SEMA3A: variants seen among roughly 807,000 people sequenced by gnomAD.
SEMA3A encodes the protein semaphorin-3A.
A neutral mutation model predicts 97.9 loss-of-function variants in SEMA3A; 29 were observed. The observed-to-expected ratio is 0.30, with a 90% confidence interval of 0.22 to 0.40. The LOEUF is 0.40. Ranked by LOEUF, SEMA3A falls within the 10% of genes least tolerant of loss-of-function variation. The pLI is 1.00. For missense variants in SEMA3A, 763 were observed against 951.3 expected (o/e 0.80, Z 2.60); for synonymous variants, 321 against 323.7 (o/e 0.99, Z 0.09).
chr7:83,977,111 A>G, intron 15 of SEMA3A, 21 bp downstream of exon 15: 2 of 1,485,118 alleles, frequency 1.3e-6, no homozygotes, highest in Non-Finnish European at 1.8e-6. Context: ...AGCAGGTTGA[A>G]AGATGAAAAA....
At chr7:84,122,546 G>A (rs1458819325) in intron 3 of SEMA3A, among the ~76,000 whole-genome samples, 3 of 152,056 alleles carry the variant, frequency 2.0e-5, no homozygotes, top group African/African-American at 7.2e-5. Context: ...GAAATGTAAT[G>A]TAATTTTATT....
chr7:84,290,271 C>T (rs1188227344), intron 3 of SEMA3A, among the ~76,000 whole-genome samples: 1 of 151,778 alleles, frequency 6.6e-6, no homozygotes. Flanking sequence ...GTTTTTACAA[C>T]CAAAAACCAA....
intron 2 of SEMA3A, among the ~76,000 whole-genome samples, chr7:84,333,914 A>G (rs1801966924): frequency 6.6e-6 from 1 of 152,196 alleles, no homozygotes; most frequent in South Asian, 2.1e-4. Context: ...TGAAAAGAAG[A>G]GATGTAGTTT....
chr7:84,192,084 G>GA (rs1798060880), intron 1 of SEMA3A, among the ~76,000 whole-genome samples: 1 of 151,834 alleles, frequency 6.6e-6, no homozygotes, highest in African/African-American at 2.4e-5. Context: ...GTGGATCTTT[G>GA]AAAACAAGTG....
At chr7:84,000,818 C>A (rs55635951) in intron 12 of SEMA3A, among the ~76,000 whole-genome samples, 27,974 of 152,040 alleles carry the variant, frequency 0.18, 2,965 homozygotes, top group African/African-American at 0.27. Flanking sequence ...TATTATACCT[C>A]ATTTTTTCTT....
intron 2 of SEMA3A, among the ~76,000 whole-genome samples, chr7:84,348,527 G>C (rs1303170291): frequency 1.3e-5 from 2 of 152,180 alleles, no homozygotes; most frequent in Non-Finnish European, 2.9e-5. Flanking sequence ...AGTAGTTACA[G>C]TGTTGGGTAA....
intron 2 of SEMA3A, among the ~76,000 whole-genome samples, chr7:84,357,745 C>A (rs1173558449): frequency 6.6e-6 from 1 of 151,558 alleles, no homozygotes; most frequent in Non-Finnish European, 1.5e-5. Context: ...ACTTTACAGT[C>A]CCACCAACAG....
At position 84,051,384 on chromosome 7, in the gene SEMA3A, C is replaced by A. The variant is rs965252840; in HGVS notation, c.548-4941G>T. Among the ~76,000 whole-genome samples the A allele has an allele frequency of 1.7e-4, 26 of 152,182 alleles. No homozygotes were observed. The South Asian group carries it at 5.0e-3, about 29-fold the overall frequency. ...TTTTGTTTGTATCCTCTTTTATTTC[C>A]TTGAGCAGTGATTTGTACTTCTCCT... is the stretch of plus-strand genomic sequence containing the variant. On this transcript the variant is annotated intron_variant, in intron 5 of 16. Coordinates refer to ENST00000265362, the MANE Select transcript of SEMA3A (RefSeq NM_006080.3).
At chr7:84,231,243 T>C (rs1799109799) in intron 3 of SEMA3A, among the ~76,000 whole-genome samples, 1 of 151,976 alleles carries the variant, frequency 6.6e-6, no homozygotes, top group African/African-American at 2.4e-5. Context: ...AGTGTGTGCC[T>C]GTTACTTTAA....
intron 2 of SEMA3A, among the ~76,000 whole-genome samples, chr7:84,332,674 TACACAC>T (rs3048014): frequency 0.15 from 22,354 of 149,934 alleles, 2,111 homozygotes; most frequent in East Asian, 0.33. Context: ...TGTGTGTGTA[TACACAC>T]ACACACACAC....
chr7:84,031,457 A>G (rs183521537), intron 6 of SEMA3A, among the ~76,000 whole-genome samples: 2 of 152,356 alleles, frequency 1.3e-5, no homozygotes, highest in African/African-American at 2.4e-5. Flanking sequence ...GACAATAAAC[A>G]TGGTCAAAAA....
chr7:84,196,977 A>C (rs1167581262), upstream of SEMA3A, among the ~76,000 whole-genome samples: 1 of 152,080 alleles, frequency 6.6e-6, no homozygotes, highest in Non-Finnish European at 1.5e-5. Flanking sequence ...GTAATGTCTA[A>C]TCCTAAAACA....
At position 84,099,333 on chromosome 7, in the gene SEMA3A, G is replaced by C. The variant is rs1230460710; in HGVS notation, c.453+11137C>G. 3.6e-5 allele frequency among the ~76,000 whole-genome samples: 2 copies of C among 55,000 alleles called. 1 individual carries two copies. Among genetic ancestry groups the C allele is most frequent in the Non-Finnish European group, 1.3e-4 (2 of 15,832 alleles). 36.1% of individuals were successfully genotyped at this position (55,000 alleles called of 152,430 possible). On this transcript the variant is annotated intron_variant, in intron 4 of 16. Coordinates refer to ENST00000265362, the MANE Select transcript of SEMA3A (RefSeq NM_006080.3). ...GATCCGCCCGCCTCGGCCTCCCAAAGTGCTGGGATTACAGGCGTGAGCCAC... is the reference window on the plus strand; with the variant it reads ...GATCCGCCCGCCTCGGCCTCCCAAACTGCTGGGATTACAGGCGTGAGCCAC...
intron 1 of SEMA3A, among the ~76,000 whole-genome samples, chr7:84,480,174 A>C (rs1214808816): frequency 6.6e-6 from 1 of 152,210 alleles, no homozygotes; most frequent in Non-Finnish European, 1.5e-5. Context: ...CTCAATTAGC[A>C]ACATTCAGGC....
intron 3 of SEMA3A, among the ~76,000 whole-genome samples, chr7:84,293,493 G>A (rs1322936406): frequency 6.6e-6 from 1 of 151,164 alleles, no homozygotes; most frequent in African/African-American, 2.4e-5. Context: ...ATAGACATGA[G>A]AAAAGTATCA....
intron 3 of SEMA3A, among the ~76,000 whole-genome samples, chr7:84,123,822 T>C (rs1472618174): frequency 1.3e-5 from 2 of 149,778 alleles, no homozygotes; most frequent in Non-Finnish European, 3.0e-5. Flanking sequence ...CTGATATATA[T>C]ATATGAGAGA....
At chr7:84,046,624 G>A (rs1792364884) in intron 5 of SEMA3A, among the ~76,000 whole-genome samples, 181 bp from the exon 6 acceptor site, 1 of 151,994 alleles carries the variant, frequency 6.6e-6, no homozygotes, top group South Asian at 2.1e-4. Context: ...TGTCCTTATT[G>A]AAGGAAGTAT....
At chr7:84,123,216 A>C (rs1017645279) in intron 3 of SEMA3A, among the ~76,000 whole-genome samples, 6 of 152,184 alleles carry the variant, frequency 3.9e-5, no homozygotes, top group Admixed American at 3.3e-4. Flanking sequence ...ATCCATCAAT[A>C]GAAATGTTAC....
At chr7:84,017,133 T>G (rs1460461840) in intron 6 of SEMA3A, among the ~76,000 whole-genome samples, 1 of 152,202 alleles carries the variant, frequency 6.6e-6, no homozygotes, top group African/African-American at 2.4e-5. Context: ...GTTAAAAGCA[T>G]GAAAATGACA....
Sources: gnomAD v4.1 joint callset for allele counts (sites outside exome capture counted in the v4.1 genomes callset) on GRCh38, gnomAD v4.1.1 for gene constraint, MANE v1.5 for transcripts, NCBI Gene and HGNC (gene_info 2026-07-23, HGNC 2026-07-21) for gene names.